Variants in NUDT3 observed in about 807,000 individuals in gnomAD.
NUDT3 encodes diphosphoinositol polyphosphate phosphohydrolase 1.
A neutral mutation model predicts 23.6 loss-of-function variants in NUDT3; 9 were observed. The ratio of observed to expected loss-of-function variants is 0.38; its 90% CI spans 0.23 to 0.66. The LOEUF is 0.66. NUDT3 is among the 30% of genes least tolerant of loss of function. The probability of loss-of-function intolerance (pLI) is 0.52; values close to 1 mark genes in which losing one functional copy is unlikely to be tolerated. For synonymous variants in NUDT3, 86 were observed against 82.6 expected (o/e 1.04, Z -0.22); for missense variants, 172 against 218.5 (o/e 0.79, Z 1.34).
chr6:34,384,672 C>T (rs988792538), intron 1 of NUDT3, among the ~76,000 whole-genome samples: 10 of 152,142 alleles, frequency 6.6e-5, no homozygotes, highest in Admixed American at 1.3e-4. Context: ...AAATCTTACT[C>T]AAGAAGTTAC....
At position 34,379,559 on chromosome 6, in the gene NUDT3, CA is replaced by C. The variant is rs375414799; in HGVS notation, c.99+12704del. ...TGGGCGACAGAGAGAGACTCCATCTCAAAAAAAAAAAGTAATCCACAGAAGT... is the reference window on the plus strand; with the variant it reads ...TGGGCGACAGAGAGAGACTCCATCTCAAAAAAAAAAGTAATCCACAGAAGT... On this transcript the variant is annotated intron_variant, in intron 1 of 4. Transcript: ENST00000607016. Among the ~76,000 whole-genome samples the C allele has an allele frequency of 1.1e-3, 154 of 142,974 alleles. 1 individual carries two copies. The highest frequency in any genetic ancestry group is 3.9e-3 in the Admixed American group (56 of 14,392). 93.8% of individuals were successfully genotyped at this position (142,974 alleles called of 152,430 possible). A position where few individuals can be genotyped will look rare whatever the true frequency, so the allele number is the denominator to read the frequency against.
At chr6:34,333,643 A>G (rs1422342338) in intron 2 of NUDT3, among the ~76,000 whole-genome samples, 1 of 152,210 alleles carries the variant, frequency 6.6e-6, no homozygotes, top group Non-Finnish European at 1.5e-5. Flanking sequence ...AGATAATAAC[A>G]GTTCCTACTA....
intron 2 of NUDT3, among the ~76,000 whole-genome samples, chr6:34,313,239 G>A (rs2113711256): frequency 6.6e-6 from 1 of 152,182 alleles, no homozygotes; most frequent in South Asian, 2.1e-4. Flanking sequence ...TTACTAAGTG[G>A]AAGAAGTCAA....
intron 2 of NUDT3, among the ~76,000 whole-genome samples, chr6:34,304,285 C>G (rs1187556686): frequency 6.7e-6 from 1 of 149,624 alleles, no homozygotes; most frequent in Non-Finnish European, 1.5e-5. Context: ...AGTTTGCTAT[C>G]GCTGGGCATG....
rs200712150 is a variant in NUDT3, at chr6:34,372,656, T to A, written c.99+19608A>T. Among the ~76,000 whole-genome samples the A allele has an allele frequency of 5.3e-5, 8 of 152,080 alleles. No individual in the cohort carries two copies. The East Asian group carries it at 1.6e-3, about 30-fold the overall frequency. On this transcript the variant is annotated intron_variant, in intron 1 of 4. Coordinates refer to ENST00000607016, the MANE Select transcript of NUDT3 (RefSeq NM_006703.4). ...CCCATTTGTATTAAAAATACAAAAT[T>A]AGCCAGGTGTGGTGGTACATGCCTG...
intron 2 of NUDT3, among the ~76,000 whole-genome samples, chr6:34,311,611 G>A (rs1763773604): frequency 6.6e-6 from 1 of 152,088 alleles, no homozygotes; most frequent in South Asian, 2.1e-4. Flanking sequence ...CAAAAGCCCA[G>A]ACAGTCAACT....
At chr6:34,375,069 G>C (rs189514878) in intron 1 of NUDT3, among the ~76,000 whole-genome samples, 2 of 152,094 alleles carry the variant, frequency 1.3e-5, no homozygotes, top group Non-Finnish European at 2.9e-5. Flanking sequence ...GAGTTCGGCC[G>C]GGCGCTGTGG....
At chr6:34,295,811 G>T in intron 2 of NUDT3, 126 bp from the exon 3 acceptor site, 1 of 1,068,332 alleles carries the variant, frequency 9.4e-7, no homozygotes, top group Non-Finnish European at 1.4e-6. Flanking sequence ...CAGACTCCAC[G>T]ATCTGTGAAG....
chr6:34,331,249 C>A, intron 2 of NUDT3, among the ~76,000 whole-genome samples: 1 of 150,946 alleles, frequency 6.6e-6, no homozygotes. Context: ...AAGGCAACCT[C>A]AATTATTCTA....
At chr6:34,361,993 G>C (rs901452932) in intron 1 of NUDT3, among the ~76,000 whole-genome samples, 6 of 152,112 alleles carry the variant, frequency 3.9e-5, no homozygotes, top group Non-Finnish European at 7.4e-5. Context: ...TATGGGCTTT[G>C]GGTGATAATC....
chr6:34,375,815 G>A (rs1300705782), intron 1 of NUDT3, among the ~76,000 whole-genome samples: 2 of 152,138 alleles, frequency 1.3e-5, no homozygotes, highest in East Asian at 3.8e-4. Context: ...TAAAGTCATC[G>A]TTAAATCTGT....
chr6:34,356,784 T>C lies in NUDT3; in HGVS notation c.100-14812A>G, dbSNP rs182638926. Among the ~76,000 whole-genome samples, 14 of 152,226 alleles carry C rather than the reference T, an allele frequency of 9.2e-5. No homozygotes were observed. In the East Asian group the frequency reaches 2.7e-3, roughly 29 times the overall value. On this transcript the variant is annotated intron_variant, in intron 1 of 4. Coordinates refer to ENST00000607016, the MANE Select transcript of NUDT3 (RefSeq NM_006703.4). The stretch of plus-strand genomic sequence containing the variant: ...ATAATTATGGAATTGTGGGGGTTTT[T>C]TTTGTTTTCTTTTGACGGAGTCTCG...
Position 34,293,408 on chromosome 6 carries a change from T to A in NUDT3, c.340+43A>T, listed in dbSNP as rs1357581444. On this transcript the variant is annotated intron_variant, in intron 4 of 4. Coordinates refer to ENST00000607016, the MANE Select transcript of NUDT3 (RefSeq NM_006703.4). ...TCATGACCTGTGGCATGGCAAGGGC[T>A]GGTTGTGAGGAACCCTTTCCAGGCT... 1.9e-6 allele frequency: 3 copies of A among 1,611,858 alleles called. No individual in the cohort carries two copies. In the South Asian group the frequency reaches 3.3e-5, roughly 18 times the overall value.
intron 1 of NUDT3, among the ~76,000 whole-genome samples, chr6:34,384,571 G>T (rs1229041383): frequency 1.3e-5 from 2 of 152,174 alleles, no homozygotes; most frequent in South Asian, 4.1e-4. Flanking sequence ...AAGGCTGGGG[G>T]AAGAGGGATA....
intron 2 of NUDT3, among the ~76,000 whole-genome samples, chr6:34,332,370 C>A (rs149883211): frequency 4.8e-4 from 73 of 152,154 alleles, no homozygotes; most frequent in African/African-American, 1.7e-3. Flanking sequence ...TTTTCCTCGT[C>A]ATCTTCACAT....
chr6:34,311,785 C>A (rs1201207938), intron 2 of NUDT3, among the ~76,000 whole-genome samples: 1 of 152,138 alleles, frequency 6.6e-6, no homozygotes, highest in Non-Finnish European at 1.5e-5. Flanking sequence ...ATACACAAAT[C>A]TTTGACAAAG....
At chr6:34,312,834 C>T (rs1394764249) in intron 2 of NUDT3, among the ~76,000 whole-genome samples, 6 of 152,194 alleles carry the variant, frequency 3.9e-5, no homozygotes, top group Non-Finnish European at 5.9e-5. Context: ...GATTATTATT[C>T]GGTGCTCAAA....
intron 1 of NUDT3, among the ~76,000 whole-genome samples, chr6:34,350,790 T>C (rs976159915): frequency 1.5e-4 from 22 of 150,778 alleles, no homozygotes; most frequent in Non-Finnish European, 1.6e-4. Context: ...CTTATAAACA[T>C]TGCTTCACCT....
chr6:34,389,118 TCCCCA>T (rs1765154717), intron 1 of NUDT3, among the ~76,000 whole-genome samples: 1 of 152,054 alleles, frequency 6.6e-6, no homozygotes, highest in Non-Finnish European at 1.5e-5. Flanking sequence ...TGGCTCTGTG[TCCCCA>T]CCCAAATCTC....
Sources: allele counts gnomAD v4.1 joint callset (sites outside exome capture counted in the v4.1 genomes callset), GRCh38; gene constraint gnomAD v4.1.1; transcripts MANE v1.5; gene names NCBI Gene and HGNC (gene_info 2026-07-23, HGNC 2026-07-21).